The following COG3 variants were observed in gnomAD, a reference collection of about 807,000 sequenced individuals.
COG3 encodes component of oligomeric golgi complex 3.
COG3 carries 32 observed loss-of-function variants against 114.1 expected under a neutral mutation model. The observed-to-expected ratio is 0.28, with a 90% CI of 0.21 to 0.38. COG3 has a LOEUF of 0.38. COG3 is among the 10% of genes least tolerant of loss of function. The pLI is 1.00. For synonymous variants in COG3, 352 were observed against 365.7 expected, an observed-to-expected ratio of 0.96 and a Z score of 0.43; for missense variants, 813 against 973.2, an observed-to-expected ratio of 0.84 and a Z score of 2.19.
At chr13:45,484,935 A>G (rs1316957437) in intron 7 of COG3, among the ~76,000 whole-genome samples, 2 of 145,908 alleles carry the variant, frequency 1.4e-5, no homozygotes, top group Non-Finnish European at 3.0e-5. Context: ...ACAGATCAAC[A>G]GGATCCCAAG....
intron 1 of COG3, among the ~76,000 whole-genome samples, chr13:45,475,202 GATTT>G (rs1443992039): frequency 3.3e-5 from 5 of 152,036 alleles, no homozygotes; most frequent in South Asian, 2.1e-4. Context: ...TCTTGGGTGT[GATTT>G]ATTTATTTAT....
At chr13:45,519,132 C>T in intron 19 of COG3, 38 bp downstream of exon 19, 2 of 1,605,952 alleles carry the variant, frequency 1.2e-6, no homozygotes, top group South Asian at 1.1e-5. Context: ...AGTCATTTTG[C>T]ATTCTTCCTT....
At chr13:45,527,903 A>G (rs1001567372) in intron 20 of COG3, among the ~76,000 whole-genome samples, 4 of 152,182 alleles carry the variant, frequency 2.6e-5, no homozygotes, top group Non-Finnish European at 4.4e-5. Context: ...TGTCAGCGGC[A>G]TTTGAACCAG....
At chr13:45,492,628 A>G (rs1887083143) in intron 11 of COG3, among the ~76,000 whole-genome samples, 1 of 152,174 alleles carries the variant, frequency 6.6e-6, no homozygotes, top group Non-Finnish European at 1.5e-5. Flanking sequence ...ACTATTTAAT[A>G]ACCTTTTCTT....
intron 16 of COG3, among the ~76,000 whole-genome samples, chr13:45,514,150 C>CCT (rs1244276304): frequency 6.5e-5 from 7 of 107,802 alleles, no homozygotes; most frequent in Admixed American, 1.2e-4. Flanking sequence ...GTACCACTGT[C>CCT]CTCTCTCTTT....
In COG3 at chr13:45,481,232, G is replaced by A. The variant is rs186358969; in HGVS notation, c.552G>A (p.Ser184=). The part of the protein sequence containing the change: ...EACEQLLKEQ[S]ELVDLAENIQ... ...TTTTCTCTTTTAAAAAATGCAAGTC[G>A]GAACTTGTTGATCTGGCTGAAAACA... Residue 184 remains serine (S), a splice_region_variant and synonymous_variant, in exon 5 of 23, where the codon TCG becomes TCA. Transcript: ENST00000349995. The A allele has an allele frequency of 7.7e-5, 122 of 1,577,202 alleles. No individual in the cohort carries two copies. In the East Asian group the frequency reaches 2.5e-3, roughly 33 times the overall value.
At chr13:45,487,007 A>G (rs1886711321) in intron 8 of COG3, among the ~76,000 whole-genome samples, 1 of 152,212 alleles carries the variant, frequency 6.6e-6, no homozygotes. Context: ...AAAGTAGAGA[A>G]CCAATGAAGT....
At chr13:45,488,945 TG>T (rs1211697814) in intron 8 of COG3, among the ~76,000 whole-genome samples, 5 of 151,726 alleles carry the variant, frequency 3.3e-5, no homozygotes, top group African/African-American at 1.2e-4. Flanking sequence ...CCTAGTACAT[TG>T]GGAGGTCAAG....
chr13:45,507,773 A>AC, intron 14 of COG3, among the ~76,000 whole-genome samples: 1 of 45,330 alleles, frequency 2.2e-5, no homozygotes, highest in African/African-American at 6.6e-5. Context: ...TCAGAAAAAA[A>AC]GAAAAAAAAA....
chr13:45,513,006 G>C lies in COG3; in HGVS notation c.1809+1152G>C, dbSNP rs113603103. ...CCCTGAGATTTTTTTTTTTTCCCAG[G>C]AAGTAGAGCATGTTCAAAAGTGTTG... is the stretch of plus-strand genomic sequence containing the variant. On this transcript the variant is annotated intron_variant, in intron 16 of 22. Coordinates refer to ENST00000349995, the MANE Select transcript of COG3 (RefSeq NM_031431.4). Among the ~76,000 whole-genome samples, 1,198 of 151,276 alleles carry C rather than the reference G, an allele frequency of 7.9e-3. 14 individuals are homozygous for C. Among genetic ancestry groups the C allele is most frequent in the Non-Finnish European group, 0.013 (867 of 67,812 alleles).
intron 13 of COG3, among the ~76,000 whole-genome samples, chr13:45,502,177 G>C (rs938600368): frequency 1.6e-4 from 25 of 152,166 alleles, no homozygotes; most frequent in Non-Finnish European, 7.3e-5. Flanking sequence ...ATGAAGACTA[G>C]ATCTGTTTCC....
At position 45,464,990 on chromosome 13, in the gene COG3, G is replaced by C; in HGVS notation, c.-47G>C. On this transcript the variant is annotated 5_prime_UTR_variant, in exon 1 of 23. Transcript: ENST00000349995. ...GGAAGTGGCCCAGGTCTCTCTGTCG[G>C]GGTCCCCTCCATCTCGCTGCTGCTG... The C allele has an allele frequency of 6.5e-7, 1 of 1,534,750 alleles. No individual in the cohort carries two copies. Among genetic ancestry groups the C allele is most frequent in the Non-Finnish European group, 8.8e-7 (1 of 1,142,564 alleles).
chr13:45,476,340 C>T lies in COG3; in HGVS notation c.314C>T (p.Ala105Val), dbSNP rs1885860848. 6.2e-7 allele frequency: 1 copy of T among 1,613,304 alleles called. No homozygotes were observed. The highest frequency in any genetic ancestry group is 2.2e-5 in the East Asian group (1 of 44,848). Residue 105 changes from alanine (A) to valine (V), a missense_variant, in exon 2 of 23, where the codon GCA becomes GTA. Ala to Val is a moderately conservative substitution (Grantham distance 64). Transcript: ENST00000349995. ...LGMEEERIET[A>V]QQFFSWFAKL... ...ATGGAAGAAGAAAGAATTGAAACCG[C>T]ACAGCAGGTGAATTGCAGTATCTTT... is the stretch of plus-strand genomic sequence containing the variant.
At chr13:45,519,432 C>T (rs1177417882) in intron 19 of COG3, among the ~76,000 whole-genome samples, 2 of 152,178 alleles carry the variant, frequency 1.3e-5, no homozygotes, top group Non-Finnish European at 2.9e-5. Context: ...ATGGCAGCAA[C>T]CACAGTCCTG....
chr13:45,469,888 G>T (rs1044363246), intron 1 of COG3, among the ~76,000 whole-genome samples: 2 of 151,972 alleles, frequency 1.3e-5, no homozygotes, highest in Non-Finnish European at 2.9e-5. Context: ...TATTTCTTTA[G>T]TTCCTTCTAC....
intron 13 of COG3, among the ~76,000 whole-genome samples, chr13:45,499,771 T>C (rs1486556533): frequency 6.6e-6 from 1 of 152,112 alleles, no homozygotes; most frequent in Non-Finnish European, 1.5e-5. Flanking sequence ...CCTGTAATAC[T>C]AGCACTGTGG....
chr13:45,530,580 T>G, intron 21 of COG3, 102 bp from the exon 22 acceptor site: 1 of 733,444 alleles, frequency 1.4e-6, no homozygotes, highest in South Asian at 1.5e-5. Context: ...GAAAGATACA[T>G]CGCTTCCACT....
At chr13:45,482,998 A>T (rs1684269827) in intron 6 of COG3, among the ~76,000 whole-genome samples, 1 of 152,174 alleles carries the variant, frequency 6.6e-6, no homozygotes, top group South Asian at 2.1e-4. Context: ...AATATCTTTT[A>T]CTAACAACTG....
chr13:45,489,140 T>C lies in COG3; in HGVS notation c.925-1775T>C, dbSNP rs150887615. On this transcript the variant is annotated intron_variant, in intron 8 of 22. Coordinates refer to ENST00000349995, the MANE Select transcript of COG3 (RefSeq NM_031431.4). The stretch of plus-strand genomic sequence containing the variant: ...AAGTCAAGGATGCAGTGAGCCAAGA[T>C]AGCACCACTGCACTCCAGCCTGGGT... Among the ~76,000 whole-genome samples the C allele has an allele frequency of 8.5e-3, 1,073 of 126,098 alleles. 16 individuals are homozygous for C. The highest frequency in any genetic ancestry group is 0.031 in the African/African-American group (1,008 of 32,210). 82.7% of individuals were successfully genotyped at this position (126,098 alleles called of 152,430 possible). A position where few individuals can be genotyped will look rare whatever the true frequency, so the allele number is the denominator to read the frequency against.
Sources: allele counts gnomAD v4.1 joint callset (sites outside exome capture counted in the v4.1 genomes callset), GRCh38; gene constraint gnomAD v4.1.1; transcripts MANE v1.5; gene names NCBI Gene and HGNC (gene_info 2026-07-23, HGNC 2026-07-21).